The following CSMD1 variants were observed in gnomAD, a reference collection of about 807,000 sequenced individuals.
CSMD1 encodes CUB and sushi domain-containing protein 1.
In CSMD1, 213 loss-of-function variants were observed where a neutral mutation model predicts 417.5. The observed-to-expected ratio is 0.51, with a 90% confidence interval of 0.46 to 0.57. CSMD1 has a LOEUF of 0.57. Ranked by LOEUF, CSMD1 falls within the 20% of genes least tolerant of loss-of-function variation. The pLI is 0.00. For missense variants in CSMD1, 6,923 were observed against 4,529.7 expected (o/e 1.53, Z -15.17); for synonymous variants, 2,862 against 1,736.8 (o/e 1.65, Z -16.11).
intron 2 of CSMD1, among the ~76,000 whole-genome samples, chr8:4,571,016 A>C (rs922633896): frequency 6.6e-6 from 1 of 151,788 alleles, no homozygotes; most frequent in East Asian, 1.9e-4. Context: ...TATCATGTCT[A>C]TTTGATTCTT....
intron 2 of CSMD1, among the ~76,000 whole-genome samples, chr8:4,527,919 T>G (rs1585205791): frequency 6.6e-6 from 1 of 152,174 alleles, no homozygotes; most frequent in African/African-American, 2.4e-5. Context: ...AGGGCGTGCC[T>G]GCTTCCTGAG....
In CSMD1 at chr8:4,447,249, T is replaced by C. The variant is rs79221992; in HGVS notation, c.303-27184A>G. Among the ~76,000 whole-genome samples the C allele has an allele frequency of 2.7e-3, 408 of 152,330 alleles. 2 individuals carry two copies. The highest frequency in any genetic ancestry group is 9.6e-3 in the African/African-American group (399 of 41,572). On this transcript the variant is annotated intron_variant, in intron 2 of 69. Transcript: ENST00000635120. The stretch of plus-strand genomic sequence containing the variant: ...GTTCTTGCCTGATGGATGCTTACGT[T>C]ATAGCAGGTTAGATACAACTAAAGC...
intron 7 of CSMD1, among the ~76,000 whole-genome samples, chr8:3,680,605 C>T (rs546539007): frequency 7.2e-5 from 11 of 152,166 alleles, no homozygotes; most frequent in African/African-American, 2.4e-4. Context: ...TTCTATCAGA[C>T]GTACAAAGAG....
chr8:3,895,077 T>A lies in CSMD1; in HGVS notation c.818+102826A>T, dbSNP rs11995119. Among the ~76,000 whole-genome samples the A allele has an allele frequency of 2.0e-5, 3 of 152,338 alleles. No individual in the cohort carries two copies. In the East Asian group the frequency reaches 5.8e-4, roughly 29 times the overall value. On this transcript the variant is annotated intron_variant, in intron 5 of 69. Coordinates refer to ENST00000635120, the MANE Select transcript of CSMD1 (RefSeq NM_033225.6). ...GGTGGAGTACAGCCAGTGGTCATTA[T>A]AATTAAACATTCAAGGACTTCTTAA...
At chr8:4,945,976 C>G (rs1808342832) in intron 1 of CSMD1, among the ~76,000 whole-genome samples, 1 of 152,136 alleles carries the variant, frequency 6.6e-6, no homozygotes. Flanking sequence ...TCAGAGGCTC[C>G]AGAAGACACG....
intron 5 of CSMD1, among the ~76,000 whole-genome samples, chr8:3,885,426 A>T (rs1806495583): frequency 6.6e-6 from 1 of 152,176 alleles, no homozygotes; most frequent in Non-Finnish European, 1.5e-5. Context: ...CCATCACAGG[A>T]TGCTATCAAT....
intron 25 of CSMD1, among the ~76,000 whole-genome samples, chr8:3,304,057 A>AT (rs1804621629): frequency 6.6e-6 from 1 of 152,186 alleles, no homozygotes; most frequent in Non-Finnish European, 1.5e-5. Flanking sequence ...CTCTGCAATA[A>AT]TTGGCCTAAA....
At chr8:4,394,957 G>T (rs182745006) in intron 3 of CSMD1, among the ~76,000 whole-genome samples, 1 of 152,190 alleles carries the variant, frequency 6.6e-6, no homozygotes. Flanking sequence ...AGTTAAGAAA[G>T]GGAAGAGTTA....
At position 4,139,796 on chromosome 8, in the gene CSMD1, C is replaced by T. The variant is rs575884535; in HGVS notation, c.416-107697G>A. Among the ~76,000 whole-genome samples, 6 of 151,138 alleles carry T rather than the reference C, an allele frequency of 4.0e-5. No individual in the cohort carries two copies. The East Asian group carries it at 1.2e-3, about 29-fold the overall frequency. On this transcript the variant is annotated intron_variant, in intron 3 of 69. Transcript: ENST00000635120. ...ATGTTTGCACACTGAGCTCAGTGTT[C>T]TACAGGCTTACTGGACATTCCACAG... is the stretch of plus-strand genomic sequence containing the variant.
At chr8:4,625,846 C>G (rs1802073193) in intron 2 of CSMD1, among the ~76,000 whole-genome samples, 1 of 152,076 alleles carries the variant, frequency 6.6e-6, no homozygotes, top group African/African-American at 2.4e-5. Flanking sequence ...ACCTGAGCCT[C>G]CCGAGTAGCA....
At chr8:3,248,769 C>T (rs1051514630) in intron 26 of CSMD1, among the ~76,000 whole-genome samples, 16 of 152,018 alleles carry the variant, frequency 1.1e-4, no homozygotes, top group African/African-American at 3.4e-4. Flanking sequence ...CTTTTGCAAA[C>T]GTGTCCATAG....
chr8:3,940,635 C>G (rs1810816980), intron 5 of CSMD1, among the ~76,000 whole-genome samples: 1 of 151,228 alleles, frequency 6.6e-6, no homozygotes, highest in Non-Finnish European at 1.5e-5. Flanking sequence ...AATATGTAAC[C>G]TTAACTTTCT....
At chr8:3,179,049 G>A (rs370069083) in intron 37 of CSMD1, among the ~76,000 whole-genome samples, 21 of 150,642 alleles carry the variant, frequency 1.4e-4, no homozygotes, top group Middle Eastern at 3.5e-3. Context: ...CCGGGTTCAC[G>A]CCATTCTCCT....
intron 3 of CSMD1, among the ~76,000 whole-genome samples, chr8:4,187,965 G>C (rs1700091): frequency 6.6e-6 from 1 of 151,892 alleles, no homozygotes; most frequent in Non-Finnish European, 1.5e-5. Flanking sequence ...ACTACCATGG[G>C]TATTTTTAAT....
At chr8:3,129,741 C>G (rs1443951563) in intron 41 of CSMD1, among the ~76,000 whole-genome samples, 1 of 151,956 alleles carries the variant, frequency 6.6e-6, no homozygotes, top group Non-Finnish European at 1.5e-5. Context: ...GTAATCCCAG[C>G]ACTTTGGGAG....
intron 2 of CSMD1, among the ~76,000 whole-genome samples, chr8:4,421,285 G>A (rs1045036573): frequency 6.6e-6 from 1 of 152,172 alleles, no homozygotes; most frequent in Admixed American, 6.5e-5. Flanking sequence ...ATTCTCCTGT[G>A]ACTGAAGACC....
intron 2 of CSMD1, among the ~76,000 whole-genome samples, chr8:4,560,649 G>A (rs1440778947): frequency 6.6e-6 from 1 of 152,180 alleles, no homozygotes. Flanking sequence ...TCCTCAGCAA[G>A]ACTTCTGAAT....
At chr8:3,935,589 A>G (rs1456735129) in intron 5 of CSMD1, among the ~76,000 whole-genome samples, 2 of 152,152 alleles carry the variant, frequency 1.3e-5, no homozygotes, top group East Asian at 3.9e-4. Context: ...ATCTGTCATC[A>G]GTAATTTTTG....
chr8:4,739,032 T>A (rs1323480722), intron 1 of CSMD1, among the ~76,000 whole-genome samples: 2 of 151,992 alleles, frequency 1.3e-5, no homozygotes, highest in African/African-American at 4.8e-5. Context: ...GTTAAAGGAA[T>A]GTAGTGTGAG....
Sources: gnomAD v4.1 joint callset for allele counts (sites outside exome capture counted in the v4.1 genomes callset) on GRCh38, gnomAD v4.1.1 for gene constraint, MANE v1.5 for transcripts, NCBI Gene and HGNC (gene_info 2026-07-23, HGNC 2026-07-21) for gene names.